ZRANB1: variants seen among roughly 807,000 people sequenced by gnomAD.
The protein encoded by ZRANB1 is ubiquitin thioesterase ZRANB1.
ZRANB1 carries 16 observed loss-of-function variants against 80.5 expected under a neutral mutation model. The observed-to-expected ratio is 0.20, with a 90% CI of 0.13 to 0.30. ZRANB1 has a LOEUF of 0.30. ZRANB1 is among the 10% of genes least tolerant of loss of function. ZRANB1 has a pLI of 1.00. For missense variants in ZRANB1, 576 were observed against 862.6 expected (o/e 0.67, Z 4.16); for synonymous variants, 291 against 293.1 (o/e 0.99, Z 0.07).
At chr10:124,976,028 C>T (rs1303773048) in intron 5 of ZRANB1, among the ~76,000 whole-genome samples, 1 of 151,980 alleles carries the variant, frequency 6.6e-6, no homozygotes, top group Non-Finnish European at 1.5e-5. Flanking sequence ...GGAAGCATAA[C>T]GTAATAGAGT....
intron 1 of ZRANB1, among the ~76,000 whole-genome samples, chr10:124,957,020 A>G (rs1951692569): frequency 1.3e-5 from 2 of 152,226 alleles, no homozygotes; most frequent in South Asian, 4.1e-4. Flanking sequence ...ACAACCACAC[A>G]GTATAATTAT....
upstream of ZRANB1, among the ~76,000 whole-genome samples, chr10:124,941,938 G>A (rs1434318106): frequency 6.6e-6 from 1 of 152,160 alleles, no homozygotes; most frequent in East Asian, 1.9e-4. Context: ...TGGATAATTA[G>A]CATTTTAAGT....
intron 4 of ZRANB1, 83 bp from the exon 5 acceptor site, chr10:124,974,117 C>A: frequency 2.2e-6 from 3 of 1,392,030 alleles, no homozygotes; most frequent in Non-Finnish European, 2.0e-6. Flanking sequence ...CATTTTATAG[C>A]TAGAAAATAG....
At position 124,974,339 on chromosome 10, in the gene ZRANB1, T is replaced by C. The variant is rs1176545387; in HGVS notation, c.1368T>C (p.Tyr456=). 1.2e-6 allele frequency: 2 copies of C among 1,614,150 alleles called. No homozygotes were observed. The highest frequency in any genetic ancestry group is 1.1e-5 in the South Asian group (1 of 91,092). ...TTCTACAAGCTACCTGGGGCATCTA[T>C]GACAAGGACTCAGTGCTTCGGAAAG... ...DSVLQATWGI[Y]DKDSVLRKAL... The change falls in exon 5 of 9, where the codon TAT becomes TAC. Residue 456 remains tyrosine (Y), a synonymous_variant. Coordinates refer to ENST00000359653, the MANE Select transcript of ZRANB1 (RefSeq NM_017580.3).
chr10:124,925,669 T>C, the ZRANB1 span, among the ~76,000 whole-genome samples: 1 of 152,206 alleles, frequency 6.6e-6, no homozygotes, highest in Non-Finnish European at 1.5e-5. Context: ...TGTTTTCTTC[T>C]AAGAGTTTCT....
chr10:124,965,746 A>T (rs1448086493), intron 1 of ZRANB1, among the ~76,000 whole-genome samples: 1 of 152,186 alleles, frequency 6.6e-6, no homozygotes, highest in African/African-American at 2.4e-5. Context: ...TTTGTGGTAA[A>T]TTGGAAGCTA....
At chr10:124,974,098 C>T in intron 4 of ZRANB1, 102 bp from the exon 5 acceptor site, 3 of 1,170,574 alleles carry the variant, frequency 2.6e-6, no homozygotes, top group South Asian at 1.5e-5. Flanking sequence ...TGGTAAATTA[C>T]ATATAAACCA....
At chr10:124,931,670 C>G in the ZRANB1 span, among the ~76,000 whole-genome samples, 1 of 152,144 alleles carries the variant, frequency 6.6e-6, no homozygotes, top group Admixed American at 6.5e-5. Context: ...TGCGCCTGGC[C>G]TAAAAATACT....
the ZRANB1 span, among the ~76,000 whole-genome samples, chr10:124,932,669 A>G: frequency 6.6e-6 from 1 of 152,038 alleles, no homozygotes; most frequent in African/African-American, 2.4e-5. Context: ...TAGCCATTCT[A>G]GTAAGTATGT....
At position 124,983,582 on chromosome 10, in the gene ZRANB1, G is replaced by T; in HGVS notation, c.1802G>T (p.Gly601Val). 1 of 1,614,144 alleles carries T rather than the reference G, an allele frequency of 6.2e-7. No homozygotes were observed. The highest frequency in any genetic ancestry group is 8.5e-7 in the Non-Finnish European group (1 of 1,180,018). Residue 601 changes from glycine to valine, a missense_variant, in exon 8 of 9, where the codon GGT becomes GTT. Gly to Val is a moderately radical substitution (Grantham distance 109). Around this residue, in one of 3 missense-constraint regions of ZRANB1, gnomAD observed 152 missense variants for 221.9 expected, o/e 0.69. Transcript: ENST00000359653. The surrounding 1 kb of genome is among the most constrained non-coding windows in gnomAD (Gnocchi z 6.2). ...AMENDGYGNR[G>V]AGANLNTDDD... The stretch of plus-strand genomic sequence containing the variant: ...GAAAATGATGGCTATGGCAACCGAG[G>T]TGCTGGTGCTAATCTCAATACCGAT...
At chr10:124,960,164 A>G (rs1218727217) in intron 1 of ZRANB1, among the ~76,000 whole-genome samples, 1 of 151,946 alleles carries the variant, frequency 6.6e-6, no homozygotes, top group Non-Finnish European at 1.5e-5. Flanking sequence ...ACTTTTGGGG[A>G]TGGATGCTTG....
At chr10:124,968,408 C>A (rs1436574357) in intron 2 of ZRANB1, among the ~76,000 whole-genome samples, 1 of 152,024 alleles carries the variant, frequency 6.6e-6, no homozygotes, top group Non-Finnish European at 1.5e-5. Flanking sequence ...AGTAGCTAAC[C>A]CCTGTGTCCA....
chr10:124,980,393 T>C (rs914755504), intron 5 of ZRANB1, among the ~76,000 whole-genome samples: 4 of 152,204 alleles, frequency 2.6e-5, no homozygotes, highest in African/African-American at 9.7e-5. Context: ...GCAATCACCA[T>C]TGAATTTCTG....
chr10:124,960,535 G>T lies in ZRANB1; in HGVS notation c.815-6059G>T, dbSNP rs529661343. 2.0e-5 allele frequency among the ~76,000 whole-genome samples: 3 copies of T among 152,198 alleles called. No individual in the cohort carries two copies. In the South Asian group the frequency reaches 6.2e-4, roughly 32 times the overall value. ...CAGCCTCGAATTCCTGGGCTCAGGT[G>T]ATCCTCACAAGTAGCTGGGACTACA... On this transcript the variant is annotated intron_variant, in intron 1 of 8. Coordinates refer to ENST00000359653, the MANE Select transcript of ZRANB1 (RefSeq NM_017580.3).
At chr10:124,937,080 G>T in the ZRANB1 span, among the ~76,000 whole-genome samples, 1 of 151,860 alleles carries the variant, frequency 6.6e-6, no homozygotes. Context: ...TCAGCCTCCT[G>T]AGTAGCTGAG....
intron 1 of ZRANB1, among the ~76,000 whole-genome samples, chr10:124,959,306 C>A (rs1951712322): frequency 1.3e-5 from 2 of 152,074 alleles, no homozygotes; most frequent in Non-Finnish European, 2.9e-5. Flanking sequence ...CAAGGCATGT[C>A]AAATAACCCG....
chr10:124,987,421 G>C lies in ZRANB1; in HGVS notation c.*2429G>C, dbSNP rs1952081639. 1 of 151,996 alleles carries C rather than the reference G, an allele frequency of 6.6e-6. No homozygotes were observed. The highest frequency in any genetic ancestry group is 2.4e-5 in the African/African-American group (1 of 41,442). 9.4% of individuals were successfully genotyped at this position (151,996 alleles called of 1,614,324 possible). ...CCAAGATCTAATAATTAAAACCCAG[G>C]TGGACCATGGATTCAGACCTGCCTT... On this transcript the variant is annotated 3_prime_UTR_variant, in exon 9 of 9. Coordinates refer to ENST00000359653, the MANE Select transcript of ZRANB1 (RefSeq NM_017580.3).
chr10:124,959,131 C>T (rs1303998445), intron 1 of ZRANB1, among the ~76,000 whole-genome samples: 1 of 152,152 alleles, frequency 6.6e-6, no homozygotes, highest in Non-Finnish European at 1.5e-5. Flanking sequence ...GCCAGGATAG[C>T]TCAGCAGAGG....
At chr10:124,979,480 C>T (rs2133994138) in intron 5 of ZRANB1, among the ~76,000 whole-genome samples, 1 of 152,250 alleles carries the variant, frequency 6.6e-6, no homozygotes, top group East Asian at 1.9e-4. Context: ...CTTTTCACTT[C>T]ATTAGCAGTG....
Sources: allele counts gnomAD v4.1 joint callset (sites outside exome capture counted in the v4.1 genomes callset), GRCh38; gene constraint gnomAD v4.1.1; regional missense constraint gnomAD v4.1.1; non-coding constraint Gnocchi (gnomAD v3.1); transcripts MANE v1.5; gene names NCBI Gene and HGNC (gene_info 2026-07-23, HGNC 2026-07-21).